HOXC4: variants seen among roughly 807,000 people sequenced by gnomAD.
HOXC4 encodes homeobox C4.
In HOXC4, 15 loss-of-function variants were observed where a neutral mutation model predicts 25.5. The ratio of observed to expected loss-of-function variants is 0.59; its 90% CI spans 0.39 to 0.91. The LOEUF (loss-of-function observed/expected upper bound fraction) is 0.91. Among genes scored for constraint, HOXC4 ranks in the 40% least tolerant of loss-of-function variants. The probability of loss-of-function intolerance (pLI) is 0.00; values close to 1 mark genes in which losing one functional copy is unlikely to be tolerated. For missense variants in HOXC4, 342 were observed against 352.4 expected (o/e 0.97, Z 0.24); for synonymous variants, 165 against 148.0 (o/e 1.11, Z -0.83).
chr12:54,019,338 C>T (rs1197890583), intron 1 of HOXC4, among the ~76,000 whole-genome samples: 1 of 152,198 alleles, frequency 6.6e-6, no homozygotes, highest in African/African-American at 2.4e-5. Context: ...CGCTCAGGCA[C>T]GGCCCAGTGG....
chr12:54,054,440 C>A, intron 1 of HOXC4, 79 bp downstream of exon 1: 1 of 928,720 alleles, frequency 1.1e-6, no homozygotes, highest in Non-Finnish European at 1.6e-6. Flanking sequence ...CCCCTCTGGC[C>A]CCCGTCCTCC....
upstream of HOXC4, among the ~76,000 whole-genome samples, chr12:54,051,754 C>T (rs945010710): frequency 6.6e-6 from 1 of 152,156 alleles, no homozygotes; most frequent in African/African-American, 2.4e-5. Flanking sequence ...TGGGGTGGGG[C>T]TGGGGGCCTA....
intron 1 of HOXC4, among the ~76,000 whole-genome samples, chr12:54,038,331 G>A (rs1367332679): frequency 1.3e-5 from 2 of 152,164 alleles, no homozygotes; most frequent in African/African-American, 2.4e-5. Flanking sequence ...GAAAGCAAGC[G>A]GCAGCAACAA....
In HOXC4 at chr12:54,023,236, G is replaced by A. The variant is rs549883778; in HGVS notation, c.-124+5822G>A. ...TTTTTCCAGATGGAGCTGGAAGGGGGCTCAGGGCTGAGCGTGATGGGGTAG... is the reference window on the plus strand; with the variant it reads ...TTTTTCCAGATGGAGCTGGAAGGGGACTCAGGGCTGAGCGTGATGGGGTAG... On this transcript the variant is annotated intron_variant, in intron 1 of 3. Coordinates refer to the HOXC4 transcript ENST00000303406. Among the ~76,000 whole-genome samples, 84 of 152,324 alleles carry A rather than the reference G, an allele frequency of 5.5e-4. 1 individual carries two copies. Among genetic ancestry groups the A allele is most frequent in the African/African-American group, 2.0e-3 (83 of 41,562 alleles).
chr12:54,033,220 T>C (rs1336499326), intron 1 of HOXC4: 4 of 1,613,952 alleles, frequency 2.5e-6, no homozygotes, highest in Non-Finnish European at 1.7e-6. Context: ...GCCTCAGAGG[T>C]GCAGGCATCC....
At chr12:54,029,941 A>C (rs781534587) in intron 1 of HOXC4, 2 of 1,590,682 alleles carry the variant, frequency 1.3e-6, no homozygotes, top group Non-Finnish European at 1.7e-6. Context: ...AAGAGACAGA[A>C]GAGGAGAAGC....
At chr12:54,042,193 G>T (rs545059902) in intron 1 of HOXC4, among the ~76,000 whole-genome samples, 3 of 152,036 alleles carry the variant, frequency 2.0e-5, no homozygotes, top group Admixed American at 2.0e-4. Context: ...GGTCAGGCTG[G>T]TCTCAAACTC....
chr12:54,053,251 C>CGCCG (rs1417667370), upstream of HOXC4: 2 of 152,496 alleles, frequency 1.3e-5, no homozygotes, highest in Non-Finnish European at 2.9e-5. Context: ...GACCCTGCCT[C>CGCCG]GCCGGCCGCA....
At chr12:54,030,269 C>A (rs1339275102) in intron 1 of HOXC4, 2 of 213,624 alleles carry the variant, frequency 9.4e-6, no homozygotes, top group Non-Finnish European at 1.9e-5. Context: ...ACAGATTGCC[C>A]TCCAAGTGAG....
At chr12:54,041,961 CCTTTT>C (rs1470352400) in intron 1 of HOXC4, among the ~76,000 whole-genome samples, 10 of 148,962 alleles carry the variant, frequency 6.7e-5, no homozygotes, top group South Asian at 6.3e-4. Context: ...CCGCGCCCAG[CCTTTT>C]CTTTTCTTTT....
chr12:54,027,558 CCT>C (rs926093829), intron 1 of HOXC4, among the ~76,000 whole-genome samples: 7 of 152,134 alleles, frequency 4.6e-5, no homozygotes, highest in Admixed American at 1.3e-4. Context: ...TTTCGTTCTT[CCT>C]CTCTCTCTCT....
At chr12:54,040,980 T>C (rs1941262619) in intron 1 of HOXC4, among the ~76,000 whole-genome samples, 1 of 152,188 alleles carries the variant, frequency 6.6e-6, no homozygotes, top group Admixed American at 6.5e-5. Context: ...ATTCCGACTT[T>C]CCTCACTCTC....
At chr12:54,020,302 C>T (rs1045319372) in intron 1 of HOXC4, 1 of 152,282 alleles carries the variant, frequency 6.6e-6, no homozygotes, top group Admixed American at 6.5e-5. Flanking sequence ...GGAGCCTCCC[C>T]CTCTGAGCCC....
Position 54,054,971 on chromosome 12 carries a change from C to G in HOXC4, c.561C>G (p.Ile187Met), listed in dbSNP as rs767966253. 1 of 1,614,086 alleles carries G rather than the reference C, an allele frequency of 6.2e-7. No homozygotes were observed. The highest frequency in any genetic ancestry group is 8.5e-7 in the Non-Finnish European group (1 of 1,180,004). ...GCTACCTGACCCGAAGGAGAAGGAT[C>G]GAGATCGCCCACTCGCTGTGCCTCT... ...YNRYLTRRRR[I>M]EIAHSLCLSE... Residue 187 changes from isoleucine to methionine, a missense_variant, in exon 2 of 2, where the codon ATC (isoleucine) becomes ATG (methionine). By Grantham distance (10) the Ile-to-Met change is conservative. Coordinates refer to ENST00000430889, the MANE Select transcript of HOXC4 (RefSeq NM_153633.3).
At chr12:54,022,381 T>A (rs1396726286) in intron 1 of HOXC4, 2 of 152,226 alleles carry the variant, frequency 1.3e-5, no homozygotes, top group Non-Finnish European at 2.9e-5. Flanking sequence ...CCTATATGTC[T>A]CCAATCCTGC....
chr12:54,024,074 G>A (rs1940571051), intron 1 of HOXC4, among the ~76,000 whole-genome samples: 1 of 152,206 alleles, frequency 6.6e-6, no homozygotes, highest in African/African-American at 2.4e-5. Flanking sequence ...CTGAGCAGTC[G>A]CTCCAGAACA....
At position 54,048,314 on chromosome 12, in the gene HOXC4, A is replaced by G. The variant is rs727762; in HGVS notation, c.-123-4846A>G. Reference sequence around the variant, plus strand: ...CGCGCTCTCCAAAGTTCTTTCTCACAGAGGTTTCTCTGGGGGAGTCAAGGG... The same window carrying G: ...CGCGCTCTCCAAAGTTCTTTCTCACGGAGGTTTCTCTGGGGGAGTCAAGGG... On this transcript the variant is annotated intron_variant, in intron 1 of 3. Coordinates refer to the HOXC4 transcript ENST00000303406. Among the ~76,000 whole-genome samples the G allele has an allele frequency of 3.5e-4, 53 of 152,158 alleles. 1 individual carries two copies. In the East Asian group the frequency reaches 8.9e-3, roughly 26 times the overall value.
At chr12:54,047,467 G>A (rs1937744438) in intron 1 of HOXC4, among the ~76,000 whole-genome samples, 1 of 152,228 alleles carries the variant, frequency 6.6e-6, no homozygotes, top group Admixed American at 6.5e-5. Context: ...GCCGGCCGCC[G>A]AGGGGCCGCC....
chr12:54,033,161 C>A (rs763364952), intron 1 of HOXC4: 2 of 1,614,042 alleles, frequency 1.2e-6, no homozygotes, highest in East Asian at 4.5e-5. Flanking sequence ...ATAAGCAGAG[C>A]CCCAATATCC....
Sources: allele counts gnomAD v4.1 joint callset (sites outside exome capture counted in the v4.1 genomes callset), GRCh38; gene constraint gnomAD v4.1.1; transcripts MANE v1.5; gene names NCBI Gene and HGNC (gene_info 2026-07-23, HGNC 2026-07-21).